CXXC4: variants seen among roughly 807,000 people sequenced by gnomAD.
The protein encoded by CXXC4 is CXXC finger protein 4, also known as CXXC-type zinc finger protein 4.
CXXC4 carries 5 observed loss-of-function variants against 20.5 expected under a neutral mutation model. That is an observed-to-expected ratio of 0.24 (90% confidence interval 0.13 to 0.51). The LOEUF (loss-of-function observed/expected upper bound fraction) is 0.51. Ranked by LOEUF, CXXC4 falls within the 20% of genes least tolerant of loss-of-function variation. The pLI is 0.97. For synonymous variants in CXXC4, 250 were observed against 216.4 expected (o/e 1.16, Z -1.36); for missense variants, 419 against 496.4 (o/e 0.84, Z 1.48).
rs1433524493 is a variant in CXXC4 at position 104,491,579 on chromosome 4, G to C, written c.224C>G (p.Ala75Gly). Residue 75 changes from alanine to glycine, a missense_variant, in exon 2 of 3, where the codon GCC becomes GGC. This residue lies in a region of CXXC4 where 388 missense variants were observed against 416.0 expected (regional missense o/e 0.93). Coordinates refer to ENST00000394767, the MANE Select transcript of CXXC4 (RefSeq NM_025212.4). The part of the protein sequence containing the change: ...RITTPIFPSS[A>G]AAAAAAARIG... ...GCGCGCGGCGGCCGCGGCGGCGGCG[G>C]CGCTGCTGGGGAAGATGGGGGTGGT... 6.6e-7 allele frequency: 1 copy of C among 1,523,694 alleles called. No individual in the cohort carries two copies. Among genetic ancestry groups the C allele is most frequent in the South Asian group, 1.2e-5 (1 of 81,744 alleles). The allele number at this position is 1,523,694 out of a possible 1,614,324, so 94.4% of individuals were successfully genotyped here.
At position 104,468,762 on chromosome 4, in the gene CXXC4, G is replaced by A. The variant is rs931384909; in HGVS notation, c.*3560C>T. 6.6e-6 allele frequency: 1 copy of A among 151,278 alleles called. No individual in the cohort carries two copies. Among genetic ancestry groups the A allele is most frequent in the African/African-American group, 2.4e-5 (1 of 41,240 alleles). The allele number at this position is 151,278 out of a possible 1,614,324, so 9.4% of individuals were successfully genotyped here. A position where few individuals can be genotyped will look rare whatever the true frequency, so the allele number is the denominator to read the frequency against. ...AGAACCAACTGTTTGATATCACTGT[G>A]AATCTAACCATGATCAAAGACCCGC... On this transcript the variant is annotated 3_prime_UTR_variant, in exon 3 of 3. Transcript: ENST00000394767.
intron 2 of CXXC4, among the ~76,000 whole-genome samples, chr4:104,476,413 G>T (rs1736408003): frequency 6.6e-6 from 1 of 152,054 alleles, no homozygotes; most frequent in South Asian, 2.1e-4. Context: ...TAAAACATCA[G>T]CTCCTAAAAG....
chr4:104,475,903 A>C (rs1736391221), intron 2 of CXXC4, among the ~76,000 whole-genome samples: 1 of 152,112 alleles, frequency 6.6e-6, no homozygotes, highest in East Asian at 1.9e-4. Context: ...TTCACTGTTC[A>C]TGCAGGTGCA....
rs757783389 is a variant in CXXC4, at chr4:104,480,846, T to TTCCC, written c.1060-8484_1060-8481dup. 6.1e-4 allele frequency among the ~76,000 whole-genome samples: 89 copies of TTCCC among 146,954 alleles called. 1 individual carries two copies. Among genetic ancestry groups the TTCCC allele is most frequent in the Middle Eastern group, 3.8e-3 (1 of 264 alleles). On this transcript the variant is annotated intron_variant, in intron 2 of 2. Coordinates refer to ENST00000394767, the MANE Select transcript of CXXC4 (RefSeq NM_025212.4). ...CCTTCCTCTCTTCCTTGCCTTTATC[T>TTCCC]TCCCTCCCTCCCTCCCTCCCTTCCT...
chr4:104,493,097 AT>A (rs1001609798), intron 1 of CXXC4, among the ~76,000 whole-genome samples: 1 of 151,704 alleles, frequency 6.6e-6, no homozygotes, highest in Non-Finnish European at 1.5e-5. Flanking sequence ...TAACAAAATT[AT>A]TTTTTAATTT....
Position 104,491,022 on chromosome 4 carries a change from C to G in CXXC4, c.781G>C (p.Ala261Pro). The G allele has an allele frequency of 6.2e-7, 1 of 1,613,904 alleles. No homozygotes were observed. Among genetic ancestry groups the G allele is most frequent in the Middle Eastern group, 1.6e-4 (1 of 6,062 alleles). Residue 261 changes from alanine to proline, a missense_variant, in exon 2 of 3, where the codon GCA becomes CCA. By Grantham distance (27) the Ala-to-Pro change is conservative (BLOSUM62 -1). Around this residue, in one of 3 missense-constraint regions of CXXC4, gnomAD observed 388 missense variants for 416.0 expected, o/e 0.93. Transcript: ENST00000394767. ...VIVMTALHSP[A>P]AASAAVTDSA... is the part of the protein sequence containing the mutation. ...TCTGTGACGGCTGCTGAGGCTGCTGCGGGGGAGTGAAGGGCTGTCATGACG... is the reference window on the plus strand; with the variant it reads ...TCTGTGACGGCTGCTGAGGCTGCTGGGGGGGAGTGAAGGGCTGTCATGACG...
chr4:104,492,066 T>C lies in CXXC4; in HGVS notation c.-257-7A>G, dbSNP rs1413305072. 15 of 324,112 alleles carry C rather than the reference T, an allele frequency of 4.6e-5. No individual in the cohort carries two copies. The highest frequency in any genetic ancestry group is 8.4e-5 in the Non-Finnish European group (15 of 178,456). The allele number at this position is 324,112 out of a possible 1,614,324, so 20.1% of individuals were successfully genotyped here. A position where few individuals can be genotyped will look rare whatever the true frequency, so the allele number is the denominator to read the frequency against. ...TATCCTCCAACTGTTACAACTAAAA[T>C]AAAGAAAGTCATTCCAACGAGCTGC... On this transcript the variant is annotated splice_polypyrimidine_tract_variant and splice_region_variant and intron_variant, in intron 1 of 2. Coordinates refer to ENST00000394767, the MANE Select transcript of CXXC4 (RefSeq NM_025212.4).
At position 104,472,183 on chromosome 4, in the gene CXXC4, T is replaced by TG. The variant is rs1736292875; in HGVS notation, c.*138_*139insC. On this transcript the variant is annotated 3_prime_UTR_variant, in exon 3 of 3. Coordinates refer to ENST00000394767, the MANE Select transcript of CXXC4 (RefSeq NM_025212.4). ...TCTTTTCTTTTCCTCTTTTTTTTTT[T>TG]TTTTGAAGAAAGCCCTATACATAAA... 1 of 436,810 alleles carries TG rather than the reference T, an allele frequency of 2.3e-6. No homozygotes were observed. The highest frequency in any genetic ancestry group is 3.6e-5 in the Admixed American group (1 of 28,140). 27.1% of individuals were successfully genotyped at this position (436,810 alleles called of 1,614,324 possible).
Position 104,490,876 on chromosome 4 carries a change from C to G in CXXC4, c.927G>C (p.Gly309=). The G allele has an allele frequency of 1.2e-6, 2 of 1,614,184 alleles. No individual in the cohort carries two copies. Among genetic ancestry groups the G allele is most frequent in the Non-Finnish European group, 1.7e-6 (2 of 1,180,038 alleles). ...TGAGCCTCTTGCAGGGCACGCAGACCCCACACCTTTTCCTCTTCTTCTTGG... is the reference window on the plus strand; with the variant it reads ...TGAGCCTCTTGCAGGGCACGCAGACGCCACACCTTTTCCTCTTCTTCTTGG... ...NPAKKKRKRC[G]VCVPCKRLIN... is the part of the protein sequence containing the mutation. The change falls in exon 2 of 3, where the codon GGG becomes GGC. Residue 309 remains glycine (G), a synonymous_variant. Transcript: ENST00000394767.
Position 104,470,148 on chromosome 4 carries a change from A to C in CXXC4, c.*2174T>G, listed in dbSNP as rs1029679152. The C allele has an allele frequency of 7.0e-6, 1 of 142,672 alleles. No homozygotes were observed. The highest frequency in any genetic ancestry group is 2.6e-5 in the African/African-American group (1 of 38,626). The allele number at this position is 142,672 out of a possible 1,614,324, so 8.8% of individuals were successfully genotyped here. A position where few individuals can be genotyped will look rare whatever the true frequency, so the allele number is the denominator to read the frequency against. On this transcript the variant is annotated 3_prime_UTR_variant, in exon 3 of 3. Coordinates refer to ENST00000394767, the MANE Select transcript of CXXC4 (RefSeq NM_025212.4). ...AGCAAATTGGTAAACAAAAAACAAA[A>C]AATAAAATAATGGAAAAGGAAAAAA...
intron 2 of CXXC4, among the ~76,000 whole-genome samples, chr4:104,489,910 C>A (rs183105069): frequency 3.3e-5 from 5 of 152,162 alleles, no homozygotes; most frequent in Non-Finnish European, 5.9e-5. Context: ...GTGTATACAC[C>A]AACTTTGTAA....
At chr4:104,476,703 C>A (rs1736416226) in intron 2 of CXXC4, among the ~76,000 whole-genome samples, 2 of 152,066 alleles carry the variant, frequency 1.3e-5, no homozygotes. Flanking sequence ...ACTTTCGAAT[C>A]TAAAAATTTC....
At position 104,471,777 on chromosome 4, in the gene CXXC4, C is replaced by T. The variant is rs1012218787; in HGVS notation, c.*545G>A. On this transcript the variant is annotated 3_prime_UTR_variant, in exon 3 of 3. Transcript: ENST00000394767. ...GCCAGTGCTGTTGCTGCTTCTAAAC[C>T]ACTGGCAAAAAATAGTTAAAGCTAA... 5.3e-5 allele frequency: 8 copies of T among 151,968 alleles called. No individual in the cohort carries two copies. Among genetic ancestry groups the T allele is most frequent in the Non-Finnish European group, 1.0e-4 (7 of 67,944 alleles). 9.4% of individuals were successfully genotyped at this position (151,968 alleles called of 1,614,324 possible).
chr4:104,481,955 G>A (rs1326162950), intron 2 of CXXC4, among the ~76,000 whole-genome samples: 3 of 152,188 alleles, frequency 2.0e-5, no homozygotes, highest in South Asian at 2.1e-4. Context: ...CTACAGACTT[G>A]TTCAATAGTG....
intron 2 of CXXC4, among the ~76,000 whole-genome samples, chr4:104,480,563 A>T (rs1736527075): frequency 6.6e-6 from 1 of 152,082 alleles, no homozygotes; most frequent in South Asian, 2.1e-4. Flanking sequence ...ATATGTTTTT[A>T]AAAAACCATA....
Position 104,491,766 on chromosome 4 carries a change from G to A in CXXC4, c.37C>T (p.Pro13Ser). 6.5e-7 allele frequency: 1 copy of A among 1,531,066 alleles called. No individual in the cohort carries two copies. The highest frequency in any genetic ancestry group is 8.8e-7 in the Non-Finnish European group (1 of 1,137,816). 94.8% of individuals were successfully genotyped at this position (1,531,066 alleles called of 1,614,324 possible). The change falls in exon 2 of 3, where the codon CCG becomes TCG. Residue 13 changes from proline (P) to serine (S), a missense_variant. By Grantham distance (74) the Pro-to-Ser change is moderately conservative. Transcript: ENST00000394767. ...TCCTTGGGCAAGCCCGGGGCCTCCG[G>A]GCTCGGCCCGGGCTCCACGCAGACA... Reference protein sequence around the residue: ...TNVCVEPGPSPEAPGLPKESH... With the variant: ...TNVCVEPGPSSEAPGLPKESH...
At chr4:104,493,032 T>A (rs1736941407) in intron 1 of CXXC4, among the ~76,000 whole-genome samples, 1 of 142,868 alleles carries the variant, frequency 7.0e-6, no homozygotes, top group Non-Finnish European at 1.5e-5. Context: ...AATCACTGAT[T>A]TTTACATTGA....
intron 2 of CXXC4, 94 bp from the exon 3 acceptor site, chr4:104,472,460 T>C: frequency 1.1e-5 from 9 of 810,230 alleles, no homozygotes; most frequent in Non-Finnish European, 1.8e-5. Flanking sequence ...ATATTTTTAG[T>C]TACCAATGTA....
At position 104,483,593 on chromosome 4, in the gene CXXC4, T is replaced by C. The variant is rs1736608657; in HGVS notation, c.1059+7151A>G. Among the ~76,000 whole-genome samples, 5 of 152,060 alleles carry C rather than the reference T, an allele frequency of 3.3e-5. No homozygotes were observed. In the South Asian group the frequency reaches 1.0e-3, roughly 32 times the overall value. ...TTTATTTCCTATGTACACTCATATA[T>C]ATATATATTCTCGAATTTTCCAAAT... On this transcript the variant is annotated intron_variant, in intron 2 of 2. Coordinates refer to ENST00000394767, the MANE Select transcript of CXXC4 (RefSeq NM_025212.4).
Sources: gnomAD v4.1 joint callset for allele counts (sites outside exome capture counted in the v4.1 genomes callset) on GRCh38, gnomAD v4.1.1 for gene constraint, gnomAD v4.1.1 regional missense constraint, MANE v1.5 for transcripts, NCBI Gene and HGNC (gene_info 2026-07-23, HGNC 2026-07-21) for gene names.